Variants in LRP1B observed in about 807,000 individuals in gnomAD.
The protein encoded by LRP1B is LDL receptor related protein 1B.
Under a neutral mutation model 556.6 loss-of-function variants are expected in LRP1B, and 217 were observed. The observed-to-expected ratio is 0.39, with a 90% CI of 0.35 to 0.44. The LOEUF is 0.44. Among genes scored for constraint, LRP1B ranks in the 20% least tolerant of loss-of-function variants. The probability of loss-of-function intolerance (pLI) is 1.00; values close to 1 mark genes in which losing one functional copy is unlikely to be tolerated. For synonymous variants in LRP1B, 2,047 were observed against 1,865.8 expected, an observed-to-expected ratio of 1.10 and a Z score of -2.50; for missense variants, 5,053 against 5,620.8, an observed-to-expected ratio of 0.90 and a Z score of 3.23.
chr2:141,741,503 A>AT (rs1693705529), intron 2 of LRP1B, among the ~76,000 whole-genome samples: 1 of 151,318 alleles, frequency 6.6e-6, no homozygotes, highest in African/African-American at 2.4e-5. Flanking sequence ...TTAACTGGTG[A>AT]GATATCTTAT....
chr2:141,708,776 G>A (rs921087909), intron 2 of LRP1B, among the ~76,000 whole-genome samples: 8 of 152,138 alleles, frequency 5.3e-5, no homozygotes, highest in Non-Finnish European at 1.0e-4. Context: ...AATCTAATCC[G>A]ACCGTGTTGT....
At chr2:140,304,673 G>T (rs1351271086) in intron 83 of LRP1B, among the ~76,000 whole-genome samples, 1 of 152,164 alleles carries the variant, frequency 6.6e-6, no homozygotes, top group Non-Finnish European at 1.5e-5. Context: ...GATCCCGTTT[G>T]TCAATTCTGG....
chr2:141,114,734 T>G (rs1284314334), intron 7 of LRP1B, among the ~76,000 whole-genome samples: 2 of 152,146 alleles, frequency 1.3e-5, no homozygotes, highest in Non-Finnish European at 2.9e-5. Context: ...GTGGGGCCTT[T>G]CCTGGGGAAC....
At chr2:140,254,843 C>T (rs1322184846) in intron 86 of LRP1B, among the ~76,000 whole-genome samples, 1 of 152,072 alleles carries the variant, frequency 6.6e-6, no homozygotes, top group Non-Finnish European at 1.5e-5. Context: ...TGAGCCACCC[C>T]ACCGTGCCTG....
At chr2:141,778,768 C>T (rs1406228170) in intron 2 of LRP1B, among the ~76,000 whole-genome samples, 2 of 152,214 alleles carry the variant, frequency 1.3e-5, no homozygotes, top group African/African-American at 4.8e-5. Flanking sequence ...ATAGTGAAGA[C>T]AGACACTTTT....
At chr2:141,184,015 A>T (rs945614958) in intron 7 of LRP1B, among the ~76,000 whole-genome samples, 3 of 152,030 alleles carry the variant, frequency 2.0e-5, no homozygotes, top group Non-Finnish European at 4.4e-5. Flanking sequence ...TTAATAGAAA[A>T]CTGAGGGCCA....
At chr2:140,530,367 C>T (rs1168573599) in intron 47 of LRP1B, among the ~76,000 whole-genome samples, 1 of 152,034 alleles carries the variant, frequency 6.6e-6, no homozygotes, top group Non-Finnish European at 1.5e-5. Context: ...TTCCATTCTC[C>T]CTGAGCCATT....
At chr2:141,190,114 T>C (rs1681444232) in intron 6 of LRP1B, among the ~76,000 whole-genome samples, 1 of 151,950 alleles carries the variant, frequency 6.6e-6, no homozygotes, top group African/African-American at 2.4e-5. Flanking sequence ...ACAACCTTTG[T>C]TCTCCATGCA....
At chr2:140,834,032 G>C (rs896047884) in intron 31 of LRP1B, among the ~76,000 whole-genome samples, 3 of 152,160 alleles carry the variant, frequency 2.0e-5, no homozygotes, top group African/African-American at 7.2e-5. Context: ...ATCTTCCTGA[G>C]AGACTCATCA....
At chr2:141,937,408 T>C (rs12478721) in intron 1 of LRP1B, among the ~76,000 whole-genome samples, 1 of 149,348 alleles carries the variant, frequency 6.7e-6, no homozygotes, top group African/African-American at 2.4e-5. Context: ...AATAATAAAA[T>C]AAAAAATAAA....
chr2:141,747,538 G>A (rs1693958809), intron 2 of LRP1B, among the ~76,000 whole-genome samples: 1 of 152,170 alleles, frequency 6.6e-6, no homozygotes, highest in African/African-American at 2.4e-5. Flanking sequence ...TCAGGAGGCT[G>A]AGGCAGGAGG....
chr2:140,693,064 T>C (rs909058192), intron 41 of LRP1B, among the ~76,000 whole-genome samples: 4 of 152,182 alleles, frequency 2.6e-5, no homozygotes, highest in African/African-American at 9.6e-5. Flanking sequence ...CAATGTATAA[T>C]CAATTTACAT....
At chr2:141,989,688 C>G (rs186139713) in intron 1 of LRP1B, among the ~76,000 whole-genome samples, 1 of 151,862 alleles carries the variant, frequency 6.6e-6, no homozygotes, top group Non-Finnish European at 1.5e-5. Context: ...TGAGTTCTCA[C>G]GAGATCTGAT....
At chr2:140,467,446 A>AT (rs112284252) in intron 60 of LRP1B, among the ~76,000 whole-genome samples, 6,966 of 150,984 alleles carry the variant, frequency 0.046, 219 homozygotes, top group Non-Finnish European at 0.054. Context: ...TCTAGTAAAA[A>AT]TTAAAAAAAA....
intron 2 of LRP1B, chr2:141,805,622 C>T (rs1249654776): frequency 6.6e-6 from 1 of 152,124 alleles, no homozygotes; most frequent in Non-Finnish European, 1.5e-5. Context: ...TATATTTCAG[C>T]TACGCTACTA....
intron 7 of LRP1B, among the ~76,000 whole-genome samples, chr2:141,115,123 A>C (rs1239980039): frequency 1.3e-5 from 2 of 149,112 alleles, no homozygotes; most frequent in African/African-American, 4.9e-5. Flanking sequence ...ATAGTGGATA[A>C]TGTTCTTTGG....
At chr2:140,457,033 C>A (rs1025495918) in intron 61 of LRP1B, among the ~76,000 whole-genome samples, 1 of 152,076 alleles carries the variant, frequency 6.6e-6, no homozygotes, top group Non-Finnish European at 1.5e-5. Flanking sequence ...CTTTATTTCA[C>A]AAGGCCAGAT....
At chr2:141,963,392 G>T (rs1205853057) in intron 1 of LRP1B, among the ~76,000 whole-genome samples, 3 of 151,868 alleles carry the variant, frequency 2.0e-5, no homozygotes, top group African/African-American at 7.2e-5. Flanking sequence ...AGATGTGACA[G>T]CAAGTAAGAA....
At chr2:140,775,248 G>A (rs1689451758) in intron 33 of LRP1B, among the ~76,000 whole-genome samples, 3 of 151,792 alleles carry the variant, frequency 2.0e-5, no homozygotes, top group African/African-American at 7.3e-5. Flanking sequence ...TTGCTTGATG[G>A]TCATTACCTA....
Sources: allele counts gnomAD v4.1 joint callset (sites outside exome capture counted in the v4.1 genomes callset), GRCh38; gene constraint gnomAD v4.1.1; transcripts MANE v1.5; gene names NCBI Gene and HGNC (gene_info 2026-07-23, HGNC 2026-07-21).